EIF3F: variants seen among roughly 807,000 people sequenced by gnomAD.
EIF3F encodes eukaryotic translation initiation factor 3 subunit F, also known as deubiquitinating enzyme eIF3f.
A neutral mutation model predicts 36.0 loss-of-function variants in EIF3F; 8 were observed. The observed-to-expected ratio is 0.22, with a 90% CI of 0.13 to 0.40. EIF3F has a LOEUF of 0.40. EIF3F is among the 10% of genes least tolerant of loss of function. The probability of loss-of-function intolerance (pLI) is 1.00; values close to 1 mark genes in which losing one functional copy is unlikely to be tolerated. For missense variants in EIF3F, 430 were observed against 467.6 expected (o/e 0.92, Z 0.74); for synonymous variants, 184 against 188.5 (o/e 0.98, Z 0.19).
chr11:8,000,000 T>A lies in EIF3F; in HGVS notation c.*3978T>A, dbSNP rs1942202502. On this transcript the variant is annotated 3_prime_UTR_variant, in exon 8 of 8. Transcript: ENST00000651655. ...AGGTGGATCATTTGAGGTCAGAAGT[T>A]CTTGACCAGCCTGGCCAACATGATG... The A allele has an allele frequency of 6.6e-6, 1 of 151,924 alleles. No individual in the cohort carries two copies. 9.4% of individuals were successfully genotyped at this position (151,924 alleles called of 1,614,324 possible).
chr11:7,994,317 AT>A, intron 4 of EIF3F, 108 bp from the exon 5 acceptor site: 1 of 936,062 alleles, frequency 1.1e-6, no homozygotes, highest in Non-Finnish European at 1.6e-6. Context: ...CACCCTTTCT[AT>A]CAGAACCTTG....
At chr11:7,991,723 C>A in intron 1 of EIF3F, 58 bp from the exon 2 acceptor site, 1 of 1,538,822 alleles carries the variant, frequency 6.5e-7, no homozygotes, top group Non-Finnish European at 9.0e-7. Context: ...CAAAAGTAGT[C>A]AGAGGTTGTT....
Position 7,996,231 on chromosome 11 carries a change from G to C in EIF3F, c.*209G>C, listed in dbSNP as rs150724296. On this transcript the variant is annotated 3_prime_UTR_variant, in exon 8 of 8. Transcript: ENST00000651655. ...GGAGGAAAATGTTTTAGATCACACA[G>C]AAACTAGGAAGTGAATATTGTAGGT... 2.9e-4 allele frequency: 150 copies of C among 523,864 alleles called. No homozygotes were observed. The highest frequency in any genetic ancestry group is 2.5e-3 in the African/African-American group (130 of 52,490). 32.5% of individuals were successfully genotyped at this position (523,864 alleles called of 1,614,324 possible). A position where few individuals can be genotyped will look rare whatever the true frequency, so the allele number is the denominator to read the frequency against.
At chr11:7,992,035 T>C (rs1942102500) in intron 2 of EIF3F, 49 bp from the exon 3 acceptor site, 5 of 1,595,196 alleles carry the variant, frequency 3.1e-6, no homozygotes, top group Non-Finnish European at 3.4e-6. Context: ...TAACCAATTT[T>C]TCTTTGGACT....
At chr11:7,988,656 A>G (rs1389241218) in intron 1 of EIF3F, among the ~76,000 whole-genome samples, 3 of 152,178 alleles carry the variant, frequency 2.0e-5, no homozygotes, top group Non-Finnish European at 4.4e-5. Context: ...TTTCTCTTTC[A>G]TACTCTTGAA....
rs1387814924 is a variant in EIF3F at position 7,987,712 on chromosome 11, G to T, written c.360G>T (p.Leu120=). 2 of 1,518,438 alleles carry T rather than the reference G, an allele frequency of 1.3e-6. No homozygotes were observed. The highest frequency in any genetic ancestry group is 1.4e-5 in the African/African-American group (1 of 70,542). 94.1% of individuals were successfully genotyped at this position (1,518,438 alleles called of 1,614,324 possible). The part of the protein sequence containing the change: ...NEGAARVIGT[L]LGTVDKHSVE... ...GTGCTGCCCGAGTTATCGGGACCCT[G>T]TTGGGTGAGTGGTCAGAGAAAGTTA... is the stretch of plus-strand genomic sequence containing the variant. The change falls in exon 1 of 8, where the codon CTG becomes CTT. Residue 120 remains leucine (L), a synonymous_variant. Transcript: ENST00000651655.
At chr11:7,995,465 A>T (rs747220917) in intron 7 of EIF3F, 98 bp downstream of exon 7, 10 of 1,009,990 alleles carry the variant, frequency 9.9e-6, no homozygotes, top group Non-Finnish European at 1.6e-5. Flanking sequence ...GACCTGGAGT[A>T]GGATAGAGAC....
chr11:7,992,667 C>T (rs142651125), intron 3 of EIF3F: 474 of 596,682 alleles, frequency 7.9e-4, no homozygotes, highest in African/African-American at 6.6e-3. Context: ...CAGGATATTT[C>T]GAATTACCTT....
chr11:7,996,024 T>A lies in EIF3F; in HGVS notation c.*2T>A, dbSNP rs1349463197. The A allele has an allele frequency of 6.2e-7, 1 of 1,613,764 alleles. No homozygotes were observed. Among genetic ancestry groups the A allele is most frequent in the South Asian group, 1.1e-5 (1 of 91,086 alleles). ...AATGAAAAACTTGTAAACCTGTGAA[T>A]GGACCCCAAGCAGTACACTTGCTGG... is the stretch of plus-strand genomic sequence containing the variant. On this transcript the variant is annotated 3_prime_UTR_variant, in exon 8 of 8. Coordinates refer to ENST00000651655, the MANE Select transcript of EIF3F (RefSeq NM_003754.3).
intron 4 of EIF3F, among the ~76,000 whole-genome samples, chr11:7,993,670 T>TA (rs1942125029): frequency 6.6e-6 from 1 of 152,180 alleles, no homozygotes; most frequent in Non-Finnish European, 1.5e-5. Context: ...TTTGTGCTGG[T>TA]TCTGTGTCTG....
chr11:7,992,297 C>T (rs779001101), intron 3 of EIF3F, 134 bp downstream of exon 3: 20 of 795,054 alleles, frequency 2.5e-5, no homozygotes, highest in Non-Finnish European at 3.9e-5. Context: ...TGACTGTGAG[C>T]AGTGGCTCAA....
chr11:7,996,771 A>G lies in EIF3F; in HGVS notation c.*749A>G, dbSNP rs534499807. 3 of 152,338 alleles carry G rather than the reference A, an allele frequency of 2.0e-5. No individual in the cohort carries two copies. The highest frequency in any genetic ancestry group is 6.5e-5 in the Admixed American group (1 of 15,306). The allele number at this position is 152,338 out of a possible 1,614,324, so 9.4% of individuals were successfully genotyped here. On this transcript the variant is annotated 3_prime_UTR_variant, in exon 8 of 8. Transcript: ENST00000651655. ...CCTCGCCACTGTGTGTCTTAGAAAT[A>G]AGTCATTATTCAAGAACTCAGGAAA...
rs1942154310 is a variant in EIF3F, at chr11:7,995,851, C to T, written c.997-94C>T. 6.3e-6 allele frequency: 6 copies of T among 947,308 alleles called. No individual in the cohort carries two copies. In the Admixed American group the frequency reaches 1.0e-4, roughly 16 times the overall value. 58.7% of individuals were successfully genotyped at this position (947,308 alleles called of 1,614,324 possible). A position where few individuals can be genotyped will look rare whatever the true frequency, so the allele number is the denominator to read the frequency against. On this transcript the variant is annotated intron_variant, in intron 7 of 7. Transcript: ENST00000651655. ...GCTGTCATTTATCCACAGCTGTCCT[C>T]ATACCCAGTGTCTACCATAGAGCTG...
intron 1 of EIF3F, among the ~76,000 whole-genome samples, chr11:7,990,900 T>TAAATA (rs1554914921): frequency 9.5e-5 from 13 of 136,974 alleles, no homozygotes; most frequent in East Asian, 4.1e-4. Flanking sequence ...AATAAATAAA[T>TAAATA]AAAAGAAATA....
Position 7,997,019 on chromosome 11 carries a change from A to ATATAC in EIF3F, c.*997_*998insTATAC, listed in dbSNP as rs1942168169. ...GAATATCACCTGGTATGTAGTAAGCACAGATAAGTGGTAGATACTATGATG... is the reference window on the plus strand; with the variant it reads ...GAATATCACCTGGTATGTAGTAAGCATATACCAGATAAGTGGTAGATACTATGATG... On this transcript the variant is annotated 3_prime_UTR_variant, in exon 8 of 8. Transcript: ENST00000651655. 6.6e-6 allele frequency: 1 copy of ATATAC among 152,226 alleles called. No homozygotes were observed. The highest frequency in any genetic ancestry group is 1.5e-5 in the Non-Finnish European group (1 of 68,036). 9.4% of individuals were successfully genotyped at this position (152,226 alleles called of 1,614,324 possible).
At position 7,992,984 on chromosome 11, in the gene EIF3F, A is replaced by G. The variant is rs1177189285; in HGVS notation, c.613A>G (p.Ser205Gly). Residue 205 changes from serine (S) to glycine (G), a missense_variant, in exon 4 of 8, where the codon AGT becomes GGT. Transcript: ENST00000651655. ...CCCCATCCACCTCACTGTGGACACA[A>G]GTCTCCAGAACGGCCGCATGAGCAT... Reference protein sequence around the residue: ...PNPIHLTVDTSLQNGRMSIKA... With the variant: ...PNPIHLTVDTGLQNGRMSIKA... The G allele has an allele frequency of 6.2e-7, 1 of 1,611,658 alleles. No individual in the cohort carries two copies.
chr11:7,992,450 T>C, intron 3 of EIF3F: 3 of 461,428 alleles, frequency 6.5e-6, no homozygotes, highest in Non-Finnish European at 1.2e-5. Flanking sequence ...CACACACCTA[T>C]AGTCCTAGCT....
chr11:7,989,561 C>T (rs1044719326), intron 1 of EIF3F, among the ~76,000 whole-genome samples: 1 of 152,134 alleles, frequency 6.6e-6, no homozygotes, highest in Non-Finnish European at 1.5e-5. Context: ...TACCATAAAA[C>T]TGTTAAGGTA....
At position 7,999,236 on chromosome 11, in the gene EIF3F, C is replaced by G. The variant is rs911226549; in HGVS notation, c.*3214C>G. On this transcript the variant is annotated 3_prime_UTR_variant, in exon 8 of 8. Transcript: ENST00000651655. Reference sequence around the variant, plus strand: ...TGAGCTGAGATCGCACCACTGCACCCCAGCCTGGGTGACAGCAAGATCCTT... The same window carrying G: ...TGAGCTGAGATCGCACCACTGCACCGCAGCCTGGGTGACAGCAAGATCCTT... 2 of 152,154 alleles carry G rather than the reference C, an allele frequency of 1.3e-5. No individual in the cohort carries two copies. The highest frequency in any genetic ancestry group is 2.4e-5 in the African/African-American group (1 of 41,412). The allele number at this position is 152,154 out of a possible 1,614,324, so 9.4% of individuals were successfully genotyped here.
Sources: allele counts gnomAD v4.1 joint callset (sites outside exome capture counted in the v4.1 genomes callset), GRCh38; gene constraint gnomAD v4.1.1; transcripts MANE v1.5; gene names NCBI Gene and HGNC (gene_info 2026-07-23, HGNC 2026-07-21).